RPS6KA2: variants seen among roughly 807,000 people sequenced by gnomAD.
RPS6KA2 encodes ribosomal protein S6 kinase alpha-2.
RPS6KA2 carries 42 observed loss-of-function variants against 91.8 expected under a neutral mutation model. The ratio of observed to expected loss-of-function variants is 0.46; its 90% CI spans 0.36 to 0.59. The LOEUF (loss-of-function observed/expected upper bound fraction) is 0.59. RPS6KA2 is among the 20% of genes least tolerant of loss of function. RPS6KA2 has a pLI of 0.00. For missense variants in RPS6KA2, 798 were observed against 978.5 expected (o/e 0.82, Z 2.46); for synonymous variants, 414 against 393.6 (o/e 1.05, Z -0.61).
In RPS6KA2 at chr6:166,445,293, G is replaced by A. The variant is rs1204876050; in HGVS notation, c.1332+3431C>T. Among the ~76,000 whole-genome samples the A allele has an allele frequency of 2.0e-5, 3 of 152,148 alleles. No homozygotes were observed. Among genetic ancestry groups the A allele is most frequent in the African/African-American group, 4.8e-5 (2 of 41,420 alleles). ...TGAGCTGTTGGTCGGTCATCATCCT[G>A]TTGCTAAAGGACTCACCAGAAACTC... On this transcript the variant is annotated intron_variant, in intron 14 of 20. Transcript: ENST00000265678. The surrounding 1 kb of genome is among the most constrained non-coding windows in gnomAD (Gnocchi z 4.5).
chr6:166,847,313 T>C (rs1780631776), intron 2 of RPS6KA2, among the ~76,000 whole-genome samples: 1 of 152,184 alleles, frequency 6.6e-6, no homozygotes, highest in Non-Finnish European at 1.5e-5. Context: ...AGAATTAATA[T>C]TGTGAAAATG....
In RPS6KA2 at chr6:166,685,186, G is replaced by A. The variant is rs570835403; in HGVS notation, c.124-146402C>T. Among the ~76,000 whole-genome samples, 12 of 148,158 alleles carry A rather than the reference G, an allele frequency of 8.1e-5. 1 individual carries two copies. Among genetic ancestry groups the A allele is most frequent in the East Asian group, 7.9e-4 (4 of 5,084 alleles). On this transcript the variant is annotated intron_variant, in intron 2 of 21. Transcript: ENST00000503859. ...TGTGCAGGCTGCGGGGACAGAGGCC[G>A]AGGAAAGCTCAGGCAGGACCCTGAT...
At position 166,671,343 on chromosome 6, in the gene RPS6KA2, C is replaced by T. The variant is rs564690203; in HGVS notation, c.124-132559G>A. On this transcript the variant is annotated intron_variant, in intron 2 of 21. Coordinates refer to the RPS6KA2 transcript ENST00000503859. ...TCTCTATTCAGAATTAAACAAGACA[C>T]GCCAACCTGTGGCTGCATTGGGTCG... is the stretch of plus-strand genomic sequence containing the variant. 1.1e-3 allele frequency among the ~76,000 whole-genome samples: 171 copies of T among 152,278 alleles called. 1 individual carries two copies. The highest frequency in any genetic ancestry group is 3.7e-3 in the African/African-American group (155 of 41,556).
At chr6:166,681,706 CCGCCCA>C (rs1788822230) in intron 2 of RPS6KA2, among the ~76,000 whole-genome samples, 1 of 122,582 alleles carries the variant, frequency 8.2e-6, no homozygotes, top group Non-Finnish European at 1.7e-5. Context: ...CCCCCCGCCC[CCGCCCA>C]AGATCTTGCT....
At position 166,488,918 on chromosome 6, in the gene RPS6KA2, G is replaced by C. The variant is rs747823600; in HGVS notation, c.822C>G (p.Ala274=). The C allele has an allele frequency of 6.2e-7, 1 of 1,612,822 alleles. No homozygotes were observed. Among genetic ancestry groups the C allele is most frequent in the South Asian group, 1.1e-5 (1 of 90,782 alleles). ...TGAGGAACTGCGGCATCCCCAGCTT[G>C]GCTCTGAAAAACAAGATCCTATTTT... ...RKETMALILK[A]KLGMPQFLSG... is the part of the protein sequence containing the mutation. The change falls in exon 10 of 21, where the codon GCC becomes GCG. Residue 274 remains alanine, a synonymous_variant. Coordinates refer to ENST00000265678, the MANE Select transcript of RPS6KA2 (RefSeq NM_021135.6).
chr6:166,735,805 T>A (rs550944654), intron 2 of RPS6KA2, among the ~76,000 whole-genome samples: 6 of 152,354 alleles, frequency 3.9e-5, no homozygotes, highest in Admixed American at 2.0e-4. Flanking sequence ...GCCACTCACC[T>A]CCTGCTGTGT....
rs10663984 is a variant in RPS6KA2, at chr6:166,451,332, C to CGTGTGTGT, written c.1076-107_1076-100dup. The CGTGTGTGT allele has an allele frequency of 1.0e-3, 967 of 922,290 alleles. 5 individuals are homozygous for CGTGTGTGT. In the African/African-American group the frequency reaches 0.012, roughly 12 times the overall value. The allele number at this position is 922,290 out of a possible 1,614,324, so 57.1% of individuals were successfully genotyped here. A position where few individuals can be genotyped will look rare whatever the true frequency, so the allele number is the denominator to read the frequency against. On this transcript the variant is annotated intron_variant, in intron 12 of 20. Coordinates refer to ENST00000265678, the MANE Select transcript of RPS6KA2 (RefSeq NM_021135.6). ...TGCATGTGGTATGTGTGTGCAAGTC[C>CGTGTGTGT]GTGTGTGTGTGTGTGTGTGTGTGTG...
chr6:166,843,451 G>C (rs930765743), intron 2 of RPS6KA2, among the ~76,000 whole-genome samples: 2 of 152,194 alleles, frequency 1.3e-5, no homozygotes, highest in African/African-American at 2.4e-5. Context: ...CCTCCTGGCT[G>C]GAGGACAACC....
intron 2 of RPS6KA2, among the ~76,000 whole-genome samples, chr6:166,684,257 G>A (rs1788934771): frequency 6.6e-6 from 1 of 152,094 alleles, no homozygotes; most frequent in African/African-American, 2.4e-5. Flanking sequence ...CAACCCCCAG[G>A]CATTACCGCC....
At chr6:166,438,981 G>GA (rs1159384055) in intron 14 of RPS6KA2, among the ~76,000 whole-genome samples, 1 of 152,202 alleles carries the variant, frequency 6.6e-6, no homozygotes, top group African/African-American at 2.4e-5. Flanking sequence ...GATTGCTGCA[G>GA]AAAGAAATGG....
In RPS6KA2 at chr6:166,451,358, T is replaced by TGTGC. The variant is rs139763805; in HGVS notation, c.1076-126_1076-125insGCAC. The TGTGC allele has an allele frequency of 8.4e-4, 852 of 1,012,546 alleles. 2 individuals carry two copies. In the African/African-American group the frequency reaches 8.9e-3, roughly 11 times the overall value. The allele number at this position is 1,012,546 out of a possible 1,614,324, so 62.7% of individuals were successfully genotyped here. On this transcript the variant is annotated intron_variant, in intron 12 of 20. Coordinates refer to ENST00000265678, the MANE Select transcript of RPS6KA2 (RefSeq NM_021135.6). ...GTGTGTGTGTGTGTGTGTGTGTGTG[T>TGTGC]GCACGTGGCGTATGCCTGTGGTGGA... is the stretch of plus-strand genomic sequence containing the variant.
intron 1 of RPS6KA2, among the ~76,000 whole-genome samples, chr6:166,548,568 A>C (rs1263582126): frequency 1.3e-5 from 2 of 152,240 alleles, no homozygotes; most frequent in Non-Finnish European, 2.9e-5. Flanking sequence ...CTTTTGGAAA[A>C]GCAATTCAAT....
At chr6:166,832,354 A>G (rs1235441530) in intron 2 of RPS6KA2, among the ~76,000 whole-genome samples, 1 of 152,210 alleles carries the variant, frequency 6.6e-6, no homozygotes, top group Non-Finnish European at 1.5e-5. Flanking sequence ...ATTTACTCAC[A>G]GATGCACAGA....
At chr6:166,582,267 C>T (rs537819295) in intron 1 of RPS6KA2, among the ~76,000 whole-genome samples, 13 of 152,312 alleles carry the variant, frequency 8.5e-5, no homozygotes, top group South Asian at 8.3e-4. Flanking sequence ...CACTGAAAGC[C>T]GCTGAGCCGT....
At chr6:166,679,292 T>TA (rs113931859) in intron 2 of RPS6KA2, among the ~76,000 whole-genome samples, 14,139 of 143,924 alleles carry the variant, frequency 0.098, 785 homozygotes, top group Middle Eastern at 0.2. Flanking sequence ...CAACTCTCTT[T>TA]AAAAAAAAAA....
chr6:166,818,417 G>C (rs1303082866), intron 2 of RPS6KA2, among the ~76,000 whole-genome samples: 1 of 152,190 alleles, frequency 6.6e-6, no homozygotes. Context: ...CAAGAAAGCT[G>C]CATCGCTGTT....
In RPS6KA2 at chr6:166,732,843, G is replaced by A. The variant is rs929044886; in HGVS notation, c.123+125357C>T. On this transcript the variant is annotated intron_variant, in intron 2 of 21. Coordinates refer to the RPS6KA2 transcript ENST00000503859. This position sits in a 1 kb window ranked among gnomAD's most constrained non-coding sequence, Gnocchi z 4.0. ...AGGCTGAGTCTGGTGGAAGGAGGCA[G>A]GGAACAGCCAAAGTGAAGGCTGCTC... is the stretch of plus-strand genomic sequence containing the variant. Among the ~76,000 whole-genome samples the A allele has an allele frequency of 6.6e-6, 1 of 152,186 alleles. No homozygotes were observed. The highest frequency in any genetic ancestry group is 2.4e-5 in the African/African-American group (1 of 41,444).
At chr6:166,558,671 G>C (rs575276027) in intron 1 of RPS6KA2, among the ~76,000 whole-genome samples, 1 of 152,286 alleles carries the variant, frequency 6.6e-6, no homozygotes, top group South Asian at 2.1e-4. Context: ...TAACATCACT[G>C]TTGGTGGCCC....
At position 166,665,508 on chromosome 6, in the gene RPS6KA2, C is replaced by T. The variant is rs950367027; in HGVS notation, c.124-126724G>A. Reference sequence around the variant, plus strand: ...TCTGAGAAGACCCCCATGTGACTTCCCCACCTTTGTGGCGCATGGTATGAA... The same window carrying T: ...TCTGAGAAGACCCCCATGTGACTTCTCCACCTTTGTGGCGCATGGTATGAA... On this transcript the variant is annotated intron_variant, in intron 2 of 21. Coordinates refer to the RPS6KA2 transcript ENST00000503859. The surrounding 1 kb of genome is among the most constrained non-coding windows in gnomAD (Gnocchi z 4.5). Among the ~76,000 whole-genome samples, 1 of 152,140 alleles carries T rather than the reference C, an allele frequency of 6.6e-6. No homozygotes were observed. The highest frequency in any genetic ancestry group is 2.4e-5 in the African/African-American group (1 of 41,418).
Sources: allele counts gnomAD v4.1 joint callset (sites outside exome capture counted in the v4.1 genomes callset), GRCh38; gene constraint gnomAD v4.1.1; non-coding constraint Gnocchi (gnomAD v3.1); transcripts MANE v1.5; gene names NCBI Gene and HGNC (gene_info 2026-07-23, HGNC 2026-07-21).